Variants in SLCO3A1 observed in about 807,000 individuals in gnomAD.
SLCO3A1 encodes the protein PGE1 transporter.
In SLCO3A1, 27 loss-of-function variants were observed where a neutral mutation model predicts 63.1. The ratio of observed to expected loss-of-function variants is 0.43; its 90% confidence interval spans 0.32 to 0.59. The LOEUF is 0.59. Ranked by LOEUF, SLCO3A1 falls within the 20% of genes least tolerant of loss-of-function variation. The pLI is 0.09. For synonymous variants in SLCO3A1, 473 were observed against 409.9 expected (o/e 1.15, Z -1.86); for missense variants, 773 against 945.8 (o/e 0.82, Z 2.40).
intron 7 of SLCO3A1, among the ~76,000 whole-genome samples, chr15:92,134,501 T>G (rs2048032697): frequency 6.6e-6 from 1 of 152,230 alleles, no homozygotes. Flanking sequence ...AACCTTACCT[T>G]ACAATATAGT....
At chr15:91,931,830 G>A (rs1017495528) in intron 2 of SLCO3A1, among the ~76,000 whole-genome samples, 5 of 99,848 alleles carry the variant, frequency 5.0e-5, no homozygotes, top group East Asian at 5.3e-4. Context: ...CACTCACACA[G>A]GAGTAGATGA....
At chr15:91,864,789 GTGC>G (rs2141844869) in intron 1 of SLCO3A1, among the ~76,000 whole-genome samples, 1 of 152,292 alleles carries the variant, frequency 6.6e-6, no homozygotes, top group African/African-American at 2.4e-5. Context: ...TGTCGCCTTG[GTGC>G]TGCTTTTTGC....
chr15:91,947,003 C>T (rs1899829973), intron 2 of SLCO3A1, among the ~76,000 whole-genome samples: 1 of 152,192 alleles, frequency 6.6e-6, no homozygotes. Flanking sequence ...GAGGACTCTT[C>T]CATCCCCAGT....
intron 1 of SLCO3A1, among the ~76,000 whole-genome samples, chr15:91,890,339 A>G (rs2151356400): frequency 6.6e-6 from 1 of 152,254 alleles, no homozygotes; most frequent in South Asian, 2.1e-4. Context: ...TTTTTAAGTA[A>G]GTTGCCTGGT....
intron 7 of SLCO3A1, among the ~76,000 whole-genome samples, chr15:92,134,503 C>T (rs2048032726): frequency 6.6e-6 from 1 of 152,098 alleles, no homozygotes; most frequent in Non-Finnish European, 1.5e-5. Flanking sequence ...CCTTACCTTA[C>T]AATATAGTTA....
At position 92,091,804 on chromosome 15, in the gene SLCO3A1, C is replaced by T. The variant is rs374017049; in HGVS notation, c.647-3077C>T. ...TGTGCACAATGTCTTTGGTGTTTGG[C>T]GTGGGGTCCTATCAACTCCGTCCTG... On this transcript the variant is annotated intron_variant, in intron 2 of 9. Transcript: ENST00000318445. Among the ~76,000 whole-genome samples the T allele has an allele frequency of 5.9e-5, 9 of 152,316 alleles. No homozygotes were observed. In the East Asian group the frequency reaches 1.2e-3, roughly 20 times the overall value.
chr15:92,097,912 T>G (rs1364153455), intron 3 of SLCO3A1: 1 of 152,250 alleles, frequency 6.6e-6, no homozygotes, highest in Non-Finnish European at 1.5e-5. Flanking sequence ...GATTCTTAAT[T>G]GCTTTAGGGC....
intron 2 of SLCO3A1, among the ~76,000 whole-genome samples, chr15:92,009,958 T>C (rs1014737323): frequency 5.3e-5 from 8 of 152,282 alleles, no homozygotes; most frequent in Admixed American, 5.2e-4. Flanking sequence ...GGAAGTCTTA[T>C]GGAGAAGTGC....
intron 2 of SLCO3A1, among the ~76,000 whole-genome samples, chr15:92,066,850 G>C (rs1484773350): frequency 6.6e-6 from 1 of 152,116 alleles, no homozygotes; most frequent in Non-Finnish European, 1.5e-5. Context: ...GTTTTCAAAG[G>C]GACCTTCTGT....
At chr15:92,139,812 C>A (rs763399099) in intron 7 of SLCO3A1, among the ~76,000 whole-genome samples, 3 of 150,946 alleles carry the variant, frequency 2.0e-5, no homozygotes, top group Non-Finnish European at 3.0e-5. Flanking sequence ...TCTGGGGGAT[C>A]GGTGGTGATA....
intron 2 of SLCO3A1, among the ~76,000 whole-genome samples, chr15:91,975,580 C>T (rs1313076566): frequency 6.6e-6 from 1 of 152,232 alleles, no homozygotes; most frequent in Non-Finnish European, 1.5e-5. Context: ...TGATCACTTT[C>T]TGTGGCAGCA....
chr15:91,865,639 G>C lies in SLCO3A1; in HGVS notation c.180+11551G>C, dbSNP rs1289344110. Among the ~76,000 whole-genome samples the C allele has an allele frequency of 1.3e-5, 2 of 152,144 alleles. No homozygotes were observed. The highest frequency in any genetic ancestry group is 2.4e-5 in the African/African-American group (1 of 41,424). On this transcript the variant is annotated intron_variant, in intron 1 of 9. Coordinates refer to ENST00000318445, the MANE Select transcript of SLCO3A1 (RefSeq NM_013272.4). This position sits in a 1 kb window ranked among gnomAD's most constrained non-coding sequence, Gnocchi z 4.6. Reference sequence around the variant, plus strand: ...TCCTTGGATTCCTTGGCTCGCAGCTGCATCACTCCCATCTCTGCCTTTGCT... The same window carrying C: ...TCCTTGGATTCCTTGGCTCGCAGCTCCATCACTCCCATCTCTGCCTTTGCT...
At chr15:92,143,243 C>G (rs2048158974) in intron 7 of SLCO3A1, among the ~76,000 whole-genome samples, 1 of 141,302 alleles carries the variant, frequency 7.1e-6, no homozygotes, top group Non-Finnish European at 1.5e-5. Flanking sequence ...TCCTCACAGA[C>G]CACTGCAGTA....
intron 8 of SLCO3A1, among the ~76,000 whole-genome samples, chr15:92,148,500 C>T (rs1217502477): frequency 6.6e-6 from 1 of 152,148 alleles, no homozygotes; most frequent in Admixed American, 6.5e-5. Context: ...AGCAAATTAC[C>T]ATTTTATACT....
At chr15:91,874,489 T>C (rs1445162309) in intron 1 of SLCO3A1, among the ~76,000 whole-genome samples, 3 of 152,244 alleles carry the variant, frequency 2.0e-5, no homozygotes, top group African/African-American at 7.2e-5. Flanking sequence ...GGGCCTCATA[T>C]ACAGTGTTTG....
intron 2 of SLCO3A1, among the ~76,000 whole-genome samples, chr15:92,086,875 C>T: frequency 6.6e-6 from 1 of 151,696 alleles, no homozygotes; most frequent in East Asian, 1.9e-4. Flanking sequence ...ACTCAAGAGG[C>T]TGAGGCAGGA....
intron 5 of SLCO3A1, among the ~76,000 whole-genome samples, chr15:92,125,423 G>T (rs1467896382): frequency 6.6e-6 from 1 of 152,072 alleles, no homozygotes; most frequent in African/African-American, 2.4e-5. Flanking sequence ...AGATAGCCCT[G>T]GGTAGAAGAG....
chr15:92,120,021 A>T (rs1360107728), intron 4 of SLCO3A1, among the ~76,000 whole-genome samples: 3 of 152,190 alleles, frequency 2.0e-5, no homozygotes, highest in Admixed American at 6.5e-5. Context: ...AGATCCATCA[A>T]TAGGTATATT....
chr15:91,946,424 C>T (rs546471281), intron 2 of SLCO3A1, among the ~76,000 whole-genome samples: 3 of 152,294 alleles, frequency 2.0e-5, no homozygotes, highest in South Asian at 4.1e-4. Flanking sequence ...AGGAGCACTC[C>T]GGGCCCTGGT....
Sources: gnomAD v4.1 joint callset for allele counts (sites outside exome capture counted in the v4.1 genomes callset) on GRCh38, gnomAD v4.1.1 for gene constraint, Gnocchi (gnomAD v3.1) non-coding constraint, MANE v1.5 for transcripts, NCBI Gene and HGNC (gene_info 2026-07-23, HGNC 2026-07-21) for gene names.